PLA2R1: variants seen among roughly 807,000 people sequenced by gnomAD.
PLA2R1 encodes secretory phospholipase A2 receptor.
A neutral mutation model predicts 195.9 loss-of-function variants in PLA2R1; 158 were observed. The observed-to-expected ratio is 0.81, with a 90% confidence interval of 0.71 to 0.92. The LOEUF (loss-of-function observed/expected upper bound fraction) is 0.92. PLA2R1 is among the 40% of genes least tolerant of loss of function. The pLI, the probability that PLA2R1 is intolerant of heterozygous loss-of-function variation, is 0.00. For synonymous variants in PLA2R1, 586 were observed against 598.2 expected (o/e 0.98, Z 0.30); for missense variants, 1,626 against 1,764.6 (o/e 0.92, Z 1.41).
intron 19 of PLA2R1, among the ~76,000 whole-genome samples, chr2:159,969,017 T>C (rs944431111): frequency 6.6e-6 from 1 of 152,232 alleles, no homozygotes; most frequent in Non-Finnish European, 1.5e-5. Context: ...TTTCTGGTGC[T>C]GTCTTGATTT....
chr2:159,969,010 CT>C (rs1688966202), intron 19 of PLA2R1, among the ~76,000 whole-genome samples: 1 of 152,102 alleles, frequency 6.6e-6, no homozygotes, highest in Non-Finnish European at 1.5e-5. Context: ...GGGCCCATTT[CT>C]GGTGCTGTCT....
chr2:160,001,429 G>A (rs563015882), intron 11 of PLA2R1, among the ~76,000 whole-genome samples: 17 of 151,924 alleles, frequency 1.1e-4, no homozygotes, highest in Admixed American at 2.0e-4. Context: ...AAATGGAAAG[G>A]ACATAATAAA....
At position 160,045,693 on chromosome 2, in the gene PLA2R1, A is replaced by G. The variant is rs1318765432; in HGVS notation, c.110-536T>C. Among the ~76,000 whole-genome samples, 6 of 152,242 alleles carry G rather than the reference A, an allele frequency of 3.9e-5. No homozygotes were observed. In the South Asian group the frequency reaches 1.0e-3, roughly 26 times the overall value. On this transcript the variant is annotated intron_variant, in intron 1 of 29. Transcript: ENST00000283243. ...GCTTTGTGATCTGATACGGGATTCAATACTGGTCAGAATACAATGTTTCTC... is the reference window on the plus strand; with the variant it reads ...GCTTTGTGATCTGATACGGGATTCAGTACTGGTCAGAATACAATGTTTCTC...
chr2:160,034,670 T>A (rs1022101297), intron 3 of PLA2R1, among the ~76,000 whole-genome samples: 3 of 152,198 alleles, frequency 2.0e-5, no homozygotes, highest in Admixed American at 2.0e-4. Flanking sequence ...CAGTGGCTCA[T>A]GCCTGTAATT....
rs984310805 is a variant in PLA2R1 at position 159,938,068 on chromosome 2, T to C, written c.*3710A>G. Reference sequence around the variant, plus strand: ...GGTAAATCAGTTTTAAGAAAAAATATACATGAAGATTCTGGAAATTAAGTT... The same window carrying C: ...GGTAAATCAGTTTTAAGAAAAAATACACATGAAGATTCTGGAAATTAAGTT... On this transcript the variant is annotated 3_prime_UTR_variant, in exon 30 of 30. Transcript: ENST00000283243. The C allele has an allele frequency of 1.3e-5, 2 of 152,198 alleles. No homozygotes were observed. Among genetic ancestry groups the C allele is most frequent in the East Asian group, 1.9e-4 (1 of 5,202 alleles). The allele number at this position is 152,198 out of a possible 1,614,324, so 9.4% of individuals were successfully genotyped here. A position where few individuals can be genotyped will look rare whatever the true frequency, so the allele number is the denominator to read the frequency against.
At chr2:160,049,778 A>T (rs1426874359) in intron 1 of PLA2R1, among the ~76,000 whole-genome samples, 1 of 152,198 alleles carries the variant, frequency 6.6e-6, no homozygotes, top group Non-Finnish European at 1.5e-5. Context: ...GTGAGCCAAG[A>T]TCATGCCACT....
rs1686928269 is a variant in PLA2R1, at chr2:159,938,362, A to T, written c.*3416T>A. 1 of 152,288 alleles carries T rather than the reference A, an allele frequency of 6.6e-6. No homozygotes were observed. Among genetic ancestry groups the T allele is most frequent in the African/African-American group, 2.4e-5 (1 of 41,472 alleles). The allele number at this position is 152,288 out of a possible 1,614,324, so 9.4% of individuals were successfully genotyped here. On this transcript the variant is annotated 3_prime_UTR_variant, in exon 30 of 30. Transcript: ENST00000283243. Reference sequence around the variant, plus strand: ...CAGCCCATGCAGGTGTGGGTGAGAAATAAACCTTTGCTGTGTTAATCCACC... The same window carrying T: ...CAGCCCATGCAGGTGTGGGTGAGAATTAAACCTTTGCTGTGTTAATCCACC...
In PLA2R1 at chr2:159,990,045, A is replaced by T. The variant is rs1192388644; in HGVS notation, c.1835-2687T>A. Among the ~76,000 whole-genome samples the T allele has an allele frequency of 3.9e-5, 6 of 152,280 alleles. No homozygotes were observed. The East Asian group carries it at 1.2e-3, about 29-fold the overall frequency. ...TAACTTAATGGAACATTTGACCCAAATTTTAAGAGTCTCAGCCCCAAAGAA... is the reference window on the plus strand; with the variant it reads ...TAACTTAATGGAACATTTGACCCAATTTTTAAGAGTCTCAGCCCCAAAGAA... On this transcript the variant is annotated intron_variant, in intron 11 of 29. Transcript: ENST00000283243.
intron 17 of PLA2R1, among the ~76,000 whole-genome samples, chr2:159,974,414 A>G (rs556037450): frequency 3.9e-5 from 6 of 152,286 alleles, no homozygotes; most frequent in African/African-American, 1.2e-4. Context: ...GTTCTTGGGA[A>G]GATTACATTT....
At chr2:160,026,292 T>C (rs1157485642) in intron 6 of PLA2R1, among the ~76,000 whole-genome samples, 2 of 152,236 alleles carry the variant, frequency 1.3e-5, no homozygotes, top group Non-Finnish European at 2.9e-5. Context: ...GAAACCTTTT[T>C]ATATTTAAAA....
intron 11 of PLA2R1, among the ~76,000 whole-genome samples, chr2:159,994,586 A>G (rs1691076954): frequency 6.6e-6 from 1 of 152,030 alleles, no homozygotes; most frequent in Non-Finnish European, 1.5e-5. Context: ...ATTTTTTGGA[A>G]ATAATGCTGA....
chr2:159,937,040 TA>T lies in PLA2R1; in HGVS notation c.*4737del, dbSNP rs1236830259. ...TGCCAAAAAATCAGTGATTCTACAT[TA>T]AAAATTATTTTCTATATCAACCAAC... On this transcript the variant is annotated 3_prime_UTR_variant, in exon 30 of 30. Transcript: ENST00000283243. 1 of 152,220 alleles carries T rather than the reference TA, an allele frequency of 6.6e-6. No individual in the cohort carries two copies. Among genetic ancestry groups the T allele is most frequent in the African/African-American group, 2.4e-5 (1 of 41,462 alleles). The allele number at this position is 152,220 out of a possible 1,614,324, so 9.4% of individuals were successfully genotyped here. A position where few individuals can be genotyped will look rare whatever the true frequency, so the allele number is the denominator to read the frequency against.
rs1560179704 is a variant in PLA2R1 at position 159,987,229 on chromosome 2, T to C, written c.1964A>G (p.Tyr655Cys). Residue 655 changes from tyrosine to cysteine, a missense_variant, in exon 12 of 30, where the codon TAT becomes TGT. Coordinates refer to ENST00000283243, the MANE Select transcript of PLA2R1 (RefSeq NM_007366.5). ...GGGGTGAAAGGGCCATCTCTCTTCA[T>C]ACTCTGCTTTTTCCTGATTTTCAAC... ...QPVENQEKAE[Y>C]EERWPFHPCY... is the part of the protein sequence containing the mutation. The C allele has an allele frequency of 1.2e-6, 2 of 1,613,288 alleles. No homozygotes were observed. Among genetic ancestry groups the C allele is most frequent in the Admixed American group, 3.3e-5 (2 of 59,998 alleles).
intron 20 of PLA2R1, among the ~76,000 whole-genome samples, chr2:159,957,437 C>T (rs1174238872): frequency 2.6e-5 from 4 of 152,068 alleles, no homozygotes; most frequent in Non-Finnish European, 4.4e-5. Context: ...TCACTGCAAC[C>T]TCTGCCTCCT....
intron 14 of PLA2R1, among the ~76,000 whole-genome samples, chr2:159,978,760 TGAC>T (rs1304899284): frequency 2.0e-5 from 3 of 152,204 alleles, no homozygotes; most frequent in African/African-American, 4.8e-5. Context: ...TGGGGCTGAA[TGAC>T]CTTTAAAATC....
chr2:159,962,056 CT>C (rs1489214622), intron 20 of PLA2R1, among the ~76,000 whole-genome samples: 1 of 152,150 alleles, frequency 6.6e-6, no homozygotes, highest in African/African-American at 2.4e-5. Context: ...AATTAAAGAG[CT>C]TCTGCACAGC....
intron 3 of PLA2R1, among the ~76,000 whole-genome samples, chr2:160,036,531 C>T (rs558251374): frequency 2.6e-5 from 4 of 152,274 alleles, no homozygotes; most frequent in African/African-American, 4.8e-5. Context: ...TCATAGTTAA[C>T]GGTTCAGGCC....
At chr2:160,005,172 G>C (rs188276400) in intron 11 of PLA2R1, among the ~76,000 whole-genome samples, 120 of 152,236 alleles carry the variant, frequency 7.9e-4, no homozygotes, top group African/African-American at 2.8e-3. Context: ...AATGACCATT[G>C]GGCCAGGCAA....
At chr2:159,944,126 T>C (rs1687244442) in intron 28 of PLA2R1, among the ~76,000 whole-genome samples, 1 of 152,190 alleles carries the variant, frequency 6.6e-6, no homozygotes, top group South Asian at 2.1e-4. Flanking sequence ...CATCCAATTT[T>C]ATTCCCATCA....
Sources: allele counts gnomAD v4.1 joint callset (sites outside exome capture counted in the v4.1 genomes callset), GRCh38; gene constraint gnomAD v4.1.1; transcripts MANE v1.5; gene names NCBI Gene and HGNC (gene_info 2026-07-23, HGNC 2026-07-21).